Variants in LEMD2 observed in about 807,000 individuals in gnomAD.
LEMD2 encodes the protein LEM domain nuclear envelope protein 2.
A neutral mutation model predicts 58.8 loss-of-function variants in LEMD2; 34 were observed. The observed-to-expected ratio is 0.58, with a 90% CI of 0.44 to 0.77. The LOEUF (loss-of-function observed/expected upper bound fraction) is 0.77. Among genes scored for constraint, LEMD2 ranks in the 30% least tolerant of loss-of-function variants. LEMD2 has a pLI of 0.00. For missense variants in LEMD2, 629 were observed against 717.9 expected (o/e 0.88, Z 1.42); for synonymous variants, 298 against 308.9 (o/e 0.96, Z 0.37).
Position 33,789,072 on chromosome 6 carries a change from G to A in LEMD2, c.45C>T (p.Ala15=), listed in dbSNP as rs1767762800. ...SDLELRRELQ[A]LGFQPGPITD... is the part of the protein sequence containing the mutation. Reference sequence around the variant, plus strand: ...TGATGGGTCCTGGCTGGAAGCCCAGGGCCTGCAGCTCCCGCCGCAGTTCCA... The same window carrying A: ...TGATGGGTCCTGGCTGGAAGCCCAGAGCCTGCAGCTCCCGCCGCAGTTCCA... Residue 15 remains alanine, a synonymous_variant, in exon 1 of 9, where the codon GCC becomes GCT. Transcript: ENST00000293760. The A allele has an allele frequency of 1.3e-6, 2 of 1,545,142 alleles. No individual in the cohort carries two copies. The highest frequency in any genetic ancestry group is 2.7e-5 in the East Asian group (1 of 37,416).
chr6:33,779,766 G>A, intron 5 of LEMD2: 1 of 237,728 alleles, frequency 4.2e-6, no homozygotes, highest in Non-Finnish European at 8.1e-6. Context: ...GAGGGGAAGT[G>A]CAGAAAAATG....
rs769549519 is a variant in LEMD2, at chr6:33,789,075, C to G, written c.42G>C (p.Gln14His). Reference protein sequence around the residue: ...LSDLELRRELQALGFQPGPIT... With the variant: ...LSDLELRRELHALGFQPGPIT... ...TGGGTCCTGGCTGGAAGCCCAGGGC[C>G]TGCAGCTCCCGCCGCAGTTCCAGGT... Residue 14 changes from glutamine to histidine, a missense_variant, in exon 1 of 9, where the codon CAG becomes CAC. This residue lies in a region of LEMD2 where 386 missense variants were observed against 381.1 expected (regional missense o/e 1.01). Transcript: ENST00000293760. 2 of 1,543,456 alleles carry G rather than the reference C, an allele frequency of 1.3e-6. No individual in the cohort carries two copies. Among genetic ancestry groups the G allele is most frequent in the Non-Finnish European group, 1.7e-6 (2 of 1,154,684 alleles).
chr6:33,784,252 T>C, intron 3 of LEMD2, 100 bp downstream of exon 3: 1 of 911,070 alleles, frequency 1.1e-6, no homozygotes, highest in South Asian at 1.4e-5. Context: ...AACCAGGGAG[T>C]GTCTCGCTGG....
In LEMD2 at chr6:33,778,486, G is replaced by T; in HGVS notation, c.1011-99C>A. ...GGAGGAAGCGAAGGAAAGTGGGGAC[G>T]CAAGGCCTCTACTTGCTTATAGAAT... On this transcript the variant is annotated intron_variant, in intron 5 of 8. Coordinates refer to ENST00000293760, the MANE Select transcript of LEMD2 (RefSeq NM_181336.4). This position sits in a 1 kb window ranked among gnomAD's most constrained non-coding sequence, Gnocchi z 4.7. 1.0e-6 allele frequency: 1 copy of T among 961,700 alleles called. No homozygotes were observed. 59.6% of individuals were successfully genotyped at this position (961,700 alleles called of 1,614,324 possible). A position where few individuals can be genotyped will look rare whatever the true frequency, so the allele number is the denominator to read the frequency against.
At position 33,774,970 on chromosome 6, in the gene LEMD2, CTGAATGAATGAA is replaced by C. The variant is rs3067716; in HGVS notation, c.1361+1972_1361+1983del. Among the ~76,000 whole-genome samples the C allele has an allele frequency of 5.9e-3, 898 of 151,528 alleles. 12 individuals are homozygous for C. The highest frequency in any genetic ancestry group is 0.02 in the African/African-American group (834 of 41,332). On this transcript the variant is annotated intron_variant, in intron 8 of 8. Coordinates refer to ENST00000293760, the MANE Select transcript of LEMD2 (RefSeq NM_181336.4). ...TGCTCAATAAACATTTGTGGAGGAA[CTGAATGAATGAA>C]TGAATGAATGAATGATAGTCTCTTC...
At chr6:33,786,615 G>T in intron 2 of LEMD2, 119 bp downstream of exon 2, 1 of 736,904 alleles carries the variant, frequency 1.4e-6, no homozygotes, top group Non-Finnish European at 2.4e-6. Flanking sequence ...TGTGACTCTG[G>T]TACATTACAG....
rs528115359 is a variant in LEMD2 at position 33,776,702 on chromosome 6, G to A, written c.1361+252C>T. On this transcript the variant is annotated intron_variant, in intron 8 of 8. Coordinates refer to ENST00000293760, the MANE Select transcript of LEMD2 (RefSeq NM_181336.4). ...CTTGGAGCCCAAGGCCTCCTAACTG[G>A]TATCACCACTGCCAGTGTTCTCTCT... 11 of 521,918 alleles carry A rather than the reference G, an allele frequency of 2.1e-5. No individual in the cohort carries two copies. The South Asian group carries it at 2.3e-4, about 11-fold the overall frequency. The allele number at this position is 521,918 out of a possible 1,614,324, so 32.3% of individuals were successfully genotyped here.
In LEMD2 at chr6:33,789,002, G is replaced by C; in HGVS notation, c.115C>G (p.Arg39Gly). The change falls in exon 1 of 9, where the codon CGG (arginine) becomes GGG (glycine). Residue 39 changes from arginine to glycine, a missense_variant. Transcript: ENST00000293760. ...TCGTCGCGCAGCCGGGCCTCGCCCCGCAGGCGGCGCAGCTTGTTGCGGTAG... is the reference window on the plus strand; with the variant it reads ...TCGTCGCGCAGCCGGGCCTCGCCCCCCAGGCGGCGCAGCTTGTTGCGGTAG... ...DVYRNKLRRL[R>G]GEARLRDEER... 6.4e-7 allele frequency: 1 copy of C among 1,550,636 alleles called. No individual in the cohort carries two copies.
At position 33,788,781 on chromosome 6, in the gene LEMD2, A is replaced by G. The variant is rs1326375054; in HGVS notation, c.336T>C (p.Ala112=). 1.4e-6 allele frequency: 2 copies of G among 1,451,994 alleles called. No homozygotes were observed. The highest frequency in any genetic ancestry group is 1.8e-6 in the Non-Finnish European group (2 of 1,104,578). The allele number at this position is 1,451,994 out of a possible 1,614,324, so 89.9% of individuals were successfully genotyped here. ...CGAGGCCGCGGCTCCCTACCCAGGA[A>G]GCCGCGGAGGGCCGGATATCACCGT... is the stretch of plus-strand genomic sequence containing the variant. ...GAYGDIRPSA[A]SWVGSRGLAY... is the part of the protein sequence containing the mutation. Residue 112 remains alanine, a synonymous_variant, in exon 1 of 9, where the codon GCT becomes GCC. Coordinates refer to ENST00000293760, the MANE Select transcript of LEMD2 (RefSeq NM_181336.4).
At chr6:33,782,909 C>A (rs969229636) in intron 3 of LEMD2, among the ~76,000 whole-genome samples, 2 of 152,256 alleles carry the variant, frequency 1.3e-5, no homozygotes, top group African/African-American at 4.8e-5. Flanking sequence ...GGCGGCCCCC[C>A]AGGCTTGTCG....
At chr6:33,786,415 G>A (rs994900397) in intron 2 of LEMD2, among the ~76,000 whole-genome samples, 2 of 152,192 alleles carry the variant, frequency 1.3e-5, no homozygotes, top group African/African-American at 2.4e-5. Context: ...GTGCCAGGGA[G>A]CTTGAGGGTC....
At position 33,783,696 on chromosome 6, in the gene LEMD2, T is replaced by G. The variant is rs188558163; in HGVS notation, c.853+656A>C. Among the ~76,000 whole-genome samples the G allele has an allele frequency of 2.1e-3, 315 of 152,294 alleles. 1 individual carries two copies. Among genetic ancestry groups the G allele is most frequent in the African/African-American group, 7.1e-3 (296 of 41,556 alleles). ...ACCAAATAAAACAGTAGGGGATGCA[T>G]CTTCTGGATGCATTTTCAGGGGCAT... On this transcript the variant is annotated intron_variant, in intron 3 of 8. Transcript: ENST00000293760.
intron 3 of LEMD2, chr6:33,781,740 T>C (rs1767569539): frequency 1.3e-5 from 2 of 152,574 alleles, no homozygotes; most frequent in Non-Finnish European, 2.9e-5. Flanking sequence ...ACCTCCCCGG[T>C]CCAGCCCAGG....
chr6:33,786,889 G>C (rs1767689540), intron 1 of LEMD2, 115 bp from the exon 2 acceptor site: 1 of 1,513,598 alleles, frequency 6.6e-7, no homozygotes, highest in African/African-American at 1.4e-5. Flanking sequence ...CAAGGGTGGG[G>C]ATTAGAAAGA....
In LEMD2 at chr6:33,778,314, G is replaced by A. The variant is rs1238458211; in HGVS notation, c.1084C>T (p.Arg362Cys). The stretch of plus-strand genomic sequence containing the variant: ...CTCAGGCGGCAGCCAACACCCATGC[G>A]GGGGTGGGCAGATTCCAGGCAGACC... ...KVVCLESAHP[R>C]MGVGCRLSRA... Residue 362 changes from arginine (R) to cysteine (C), a missense_variant, in exon 6 of 9, where the codon CGC (arginine) becomes TGC (cysteine). This residue lies in a region of LEMD2 where 243 missense variants were observed against 336.8 expected (regional missense o/e 0.72). Transcript: ENST00000293760. The surrounding 1 kb of genome is among the most constrained non-coding windows in gnomAD (Gnocchi z 4.7). The A allele has an allele frequency of 3.1e-6, 5 of 1,608,620 alleles. No homozygotes were observed. The highest frequency in any genetic ancestry group is 2.2e-5 in the East Asian group (1 of 44,568).
chr6:33,786,630 C>G lies in LEMD2; in HGVS notation c.777+104G>C, dbSNP rs1767683315. The G allele has an allele frequency of 1.4e-5, 12 of 831,018 alleles. No individual in the cohort carries two copies. The South Asian group carries it at 1.8e-4, about 12-fold the overall frequency. 51.5% of individuals were successfully genotyped at this position (831,018 alleles called of 1,614,324 possible). A position where few individuals can be genotyped will look rare whatever the true frequency, so the allele number is the denominator to read the frequency against. ...TGTGACTCTGGTACATTACAGGAAG[C>G]ACTCCCTGAAAATGATCCTATTCTT... On this transcript the variant is annotated intron_variant, in intron 2 of 8. Coordinates refer to ENST00000293760, the MANE Select transcript of LEMD2 (RefSeq NM_181336.4).
intron 8 of LEMD2, among the ~76,000 whole-genome samples, chr6:33,773,773 C>T (rs1194815156): frequency 2.0e-5 from 3 of 152,256 alleles, no homozygotes; most frequent in Non-Finnish European, 2.9e-5. Context: ...CAGTGTCTCA[C>T]TCCAGCCCCT....
In LEMD2 at chr6:33,778,478, G is replaced by T; in HGVS notation, c.1011-91C>A. 1 of 1,130,000 alleles carries T rather than the reference G, an allele frequency of 8.8e-7. No homozygotes were observed. The highest frequency in any genetic ancestry group is 1.2e-6 in the Non-Finnish European group (1 of 830,556). The allele number at this position is 1,130,000 out of a possible 1,614,324, so 70.0% of individuals were successfully genotyped here. A position where few individuals can be genotyped will look rare whatever the true frequency, so the allele number is the denominator to read the frequency against. The stretch of plus-strand genomic sequence containing the variant: ...TTCAAACAGGAGGAAGCGAAGGAAA[G>T]TGGGGACGCAAGGCCTCTACTTGCT... On this transcript the variant is annotated intron_variant, in intron 5 of 8. Coordinates refer to ENST00000293760, the MANE Select transcript of LEMD2 (RefSeq NM_181336.4). The surrounding 1 kb of genome is among the most constrained non-coding windows in gnomAD (Gnocchi z 4.7).
intron 1 of LEMD2, chr6:33,787,171 G>A (rs889478655): frequency 1.0e-5 from 2 of 198,790 alleles, no homozygotes; most frequent in Admixed American, 5.6e-5. Context: ...GATTAACACC[G>A]TAATGGGAGG....
Sources: gnomAD v4.1 joint callset for allele counts (sites outside exome capture counted in the v4.1 genomes callset) on GRCh38, gnomAD v4.1.1 for gene constraint, gnomAD v4.1.1 regional missense constraint, Gnocchi (gnomAD v3.1) non-coding constraint, MANE v1.5 for transcripts, NCBI Gene and HGNC (gene_info 2026-07-23, HGNC 2026-07-21) for gene names.